RIOK2: variants seen among roughly 807,000 people sequenced by gnomAD.
RIOK2 encodes the protein serine/threonine-protein kinase RIO2.
RIOK2 carries 46 observed loss-of-function variants against 62.4 expected under a neutral mutation model. The ratio of observed to expected loss-of-function variants is 0.74; its 90% CI spans 0.58 to 0.94. RIOK2 has a LOEUF of 0.94. Among genes scored for constraint, RIOK2 ranks in the 40% least tolerant of loss-of-function variants. The probability of loss-of-function intolerance (pLI) is 0.00; values close to 1 mark genes in which losing one functional copy is unlikely to be tolerated. For synonymous variants in RIOK2, 197 were observed against 216.0 expected (o/e 0.91, Z 0.77); for missense variants, 574 against 658.0 (o/e 0.87, Z 1.40).
At chr5:97,169,404 A>G (rs27311) in intron 6 of RIOK2, among the ~76,000 whole-genome samples, 1 of 152,182 alleles carries the variant, frequency 6.6e-6, no homozygotes, top group African/African-American at 2.4e-5. Context: ...ACAGCCTATA[A>G]AAATAATCTG....
intron 4 of RIOK2, among the ~76,000 whole-genome samples, chr5:97,174,159 C>G (rs1319091970): frequency 6.6e-6 from 1 of 152,188 alleles, no homozygotes; most frequent in African/African-American, 2.4e-5. Flanking sequence ...AGTCTCACGT[C>G]TGTAACCCCA....
intron 3 of RIOK2, 79 bp downstream of exon 3, chr5:97,177,653 T>C: frequency 1.1e-6 from 1 of 896,512 alleles, no homozygotes; most frequent in Admixed American, 2.6e-5. Flanking sequence ...AAAGGGAAAA[T>C]TAAAAGAGGA....
intron 1 of RIOK2, 138 bp downstream of exon 1, chr5:97,182,988 G>C (rs1171701317): frequency 1.1e-6 from 1 of 908,636 alleles, no homozygotes; most frequent in African/African-American, 1.6e-5. Context: ...CTTTCTGAAT[G>C]CTCTCTTCTC....
At chr5:97,166,050 C>G (rs1748835065) in intron 8 of RIOK2, among the ~76,000 whole-genome samples, 2 of 152,192 alleles carry the variant, frequency 1.3e-5, no homozygotes, top group African/African-American at 4.8e-5. Context: ...CCTCTCCTTT[C>G]TTTGGATGTG....
intron 4 of RIOK2, among the ~76,000 whole-genome samples, chr5:97,174,618 C>T (rs1275991871): frequency 6.6e-6 from 1 of 152,052 alleles, no homozygotes; most frequent in Admixed American, 6.6e-5. Flanking sequence ...AGATTCATGT[C>T]ATTGCCCATA....
At chr5:97,163,457 C>T (rs1302955936) in intron 9 of RIOK2, among the ~76,000 whole-genome samples, 1 of 152,116 alleles carries the variant, frequency 6.6e-6, no homozygotes, top group African/African-American at 2.4e-5. Context: ...ATAGTGCCAC[C>T]TAGTGTCCAT....
chr5:97,180,143 T>TGC (rs1491375534), intron 1 of RIOK2, among the ~76,000 whole-genome samples: 1 of 8,072 alleles, frequency 1.2e-4, no homozygotes. Context: ...TATATATATG[T>TGC]ATATATATAT....
chr5:97,175,238 C>T (rs1432291798), intron 4 of RIOK2, among the ~76,000 whole-genome samples: 1 of 152,150 alleles, frequency 6.6e-6, no homozygotes, highest in African/African-American at 2.4e-5. Context: ...AAGAACCAAA[C>T]CACTTCCCAC....
intron 1 of RIOK2, among the ~76,000 whole-genome samples, chr5:97,182,151 A>G (rs936282764): frequency 2.0e-5 from 2 of 100,830 alleles, no homozygotes; most frequent in Non-Finnish European, 2.1e-5. Flanking sequence ...TGATCTATAT[A>G]TTAATTTCTG....
chr5:97,167,900 CTGGACCTAA>C lies in RIOK2; in HGVS notation c.955_963del (p.Leu319_Pro321del). On this transcript the variant is annotated inframe_deletion, in exon 8 of 10. Coordinates refer to ENST00000283109, the MANE Select transcript of RIOK2 (RefSeq NM_018343.3). ...TCTTTTGTTTCAATATTTTTATCAT[CTGGACCTAA>C]TGGATGAAGCAGTTCATCATCTGCC... 6.2e-7 allele frequency: 1 copy of C among 1,612,668 alleles called. No individual in the cohort carries two copies. Among genetic ancestry groups the C allele is most frequent in the Non-Finnish European group, 8.5e-7 (1 of 1,179,996 alleles).
At chr5:97,164,905 A>G (rs535160079) in intron 9 of RIOK2, 146 bp downstream of exon 9, 62 of 413,920 alleles carry the variant, frequency 1.5e-4, no homozygotes, top group Non-Finnish European at 2.4e-4. Flanking sequence ...ATTAAAATCA[A>G]AGAAAGTACT....
intron 1 of RIOK2, chr5:97,182,735 T>C (rs1035657597): frequency 4.3e-6 from 1 of 235,160 alleles, no homozygotes; most frequent in Non-Finnish European, 8.0e-6. Context: ...AAGACTGCTA[T>C]GCGACTGAGT....
intron 1 of RIOK2, among the ~76,000 whole-genome samples, chr5:97,181,540 G>C (rs751385697): frequency 2.6e-5 from 4 of 152,116 alleles, no homozygotes; most frequent in Non-Finnish European, 5.9e-5. Flanking sequence ...AAAGGGAAGA[G>C]AGGCCCAAGA....
At chr5:97,183,028 CCA>C (rs2112853377) in intron 1 of RIOK2, 96 bp downstream of exon 1, 1 of 1,287,688 alleles carries the variant, frequency 7.8e-7, no homozygotes, top group East Asian at 2.3e-5. Context: ...GTCCCGGGTC[CCA>C]GAGTGTGCCT....
chr5:97,170,224 A>G (rs1264670330), intron 6 of RIOK2, among the ~76,000 whole-genome samples: 1 of 152,222 alleles, frequency 6.6e-6, no homozygotes, highest in Non-Finnish European at 1.5e-5. Context: ...GTTACACTCA[A>G]TTGAATCATA....
At chr5:97,179,310 C>T (rs1749270094) in intron 1 of RIOK2, 117 bp from the exon 2 acceptor site, 1 of 844,786 alleles carries the variant, frequency 1.2e-6, no homozygotes, top group East Asian at 2.6e-5. Flanking sequence ...CCAACTAATT[C>T]TGAGACATAA....
chr5:97,174,692 C>G (rs542153044), intron 4 of RIOK2, among the ~76,000 whole-genome samples: 1 of 152,134 alleles, frequency 6.6e-6, no homozygotes, highest in Admixed American at 6.5e-5. Context: ...TGGCTCCACT[C>G]AGCTCCACTC....
In RIOK2 at chr5:97,167,631, G is replaced by A. The variant is rs899858859; in HGVS notation, c.1233C>T (p.Asn411=). ...TCTCCTCAGAAAATTCAGTTACAGAGTTGTTTTCAACAACCTGCCCTTTTA... is the reference window on the plus strand; with the variant it reads ...TCTCCTCAGAAAATTCAGTTACAGAATTGTTTTCAACAACCTGCCCTTTTA... The part of the protein sequence containing the change: ...EEIKGQVVEN[N]SVTEFSEEKN... The change falls in exon 8 of 10, where the codon AAC becomes AAT. Residue 411 remains asparagine (N), a synonymous_variant. Coordinates refer to ENST00000283109, the MANE Select transcript of RIOK2 (RefSeq NM_018343.3). 3 of 1,614,046 alleles carry A rather than the reference G, an allele frequency of 1.9e-6. No individual in the cohort carries two copies. Among genetic ancestry groups the A allele is most frequent in the Non-Finnish European group, 2.5e-6 (3 of 1,179,996 alleles).
chr5:97,166,225 A>C (rs1028857364), intron 8 of RIOK2: 5 of 443,758 alleles, frequency 1.1e-5, no homozygotes, highest in Non-Finnish European at 2.3e-5. Flanking sequence ...TCTCCTATTT[A>C]TTCTGTTTCT....
Sources: allele counts gnomAD v4.1 joint callset (sites outside exome capture counted in the v4.1 genomes callset), GRCh38; gene constraint gnomAD v4.1.1; transcripts MANE v1.5; gene names NCBI Gene and HGNC (gene_info 2026-07-23, HGNC 2026-07-21).